The following AEBP1 variants were observed in gnomAD, a reference collection of about 807,000 sequenced individuals.
The protein encoded by AEBP1 is adipocyte enhancer-binding protein 1.
AEBP1 carries 69 observed loss-of-function variants against 116.5 expected under a neutral mutation model. The ratio of observed to expected loss-of-function variants is 0.59; its 90% CI spans 0.49 to 0.72. The LOEUF (loss-of-function observed/expected upper bound fraction) is 0.72. Among genes scored for constraint, AEBP1 ranks in the 30% least tolerant of loss-of-function variants. The probability of loss-of-function intolerance (pLI) is 0.00; values close to 1 mark genes in which losing one functional copy is unlikely to be tolerated. For synonymous variants in AEBP1, 627 were observed against 627.3 expected (o/e 1.00, Z 0.01); for missense variants, 1,444 against 1,557.5 (o/e 0.93, Z 1.23).
chr7:44,108,183 A>C lies in AEBP1; in HGVS notation c.940+99A>C. On this transcript the variant is annotated intron_variant, in intron 6 of 20. Transcript: ENST00000223357. This position sits in a 1 kb window ranked among gnomAD's most constrained non-coding sequence, Gnocchi z 5.0. Reference sequence around the variant, plus strand: ...AGCTGGGGCAACTCACCCACCTTGCAACCCCACCTGTGCCCGTGGTTACCT... The same window carrying C: ...AGCTGGGGCAACTCACCCACCTTGCCACCCCACCTGTGCCCGTGGTTACCT... 1 of 1,211,770 alleles carries C rather than the reference A, an allele frequency of 8.3e-7. No homozygotes were observed. Among genetic ancestry groups the C allele is most frequent in the Non-Finnish European group, 1.2e-6 (1 of 849,934 alleles). The allele number at this position is 1,211,770 out of a possible 1,614,324, so 75.1% of individuals were successfully genotyped here.
chr7:44,106,314 T>G, intron 1 of AEBP1: 1 of 688,890 alleles, frequency 1.5e-6, no homozygotes, highest in South Asian at 1.5e-5. Flanking sequence ...AACCCTACGC[T>G]CAGTCTTTAG....
At position 44,104,881 on chromosome 7, in the gene AEBP1, G is replaced by C. The variant is rs2096221382; in HGVS notation, c.216G>C (p.Gly72=). The C allele has an allele frequency of 2.6e-6, 4 of 1,557,362 alleles. No homozygotes were observed. Among genetic ancestry groups the C allele is most frequent in the Non-Finnish European group, 3.5e-6 (4 of 1,151,136 alleles). ...PTPRVRKAQA[G]GKPGKRPGTA... ...CGCGGGTCCGAAAAGCCCAGGCGGG[G>C]GGCAAGCCAGGGAAGCGGCCAGGGA... The change falls in exon 1 of 21, where the codon GGG becomes GGC. Residue 72 remains glycine, a synonymous_variant. Coordinates refer to ENST00000223357, the MANE Select transcript of AEBP1 (RefSeq NM_001129.5).
In AEBP1 at chr7:44,110,305, G is replaced by A. The variant is rs750217144; in HGVS notation, c.1359G>A (p.Arg453=). 8 of 1,613,704 alleles carry A rather than the reference G, an allele frequency of 5.0e-6. No individual in the cohort carries two copies. In the South Asian group the frequency reaches 8.8e-5, roughly 18 times the overall value. The change falls in exon 11 of 21, where the codon CGG becomes CGA. Residue 453 remains arginine, a synonymous_variant. Transcript: ENST00000223357. Reference sequence around the variant, plus strand: ...AGGTGGACACCAGGAGGACTACCCGGTTCACAGGCGTCATCACCCAGGGCA... The same window carrying A: ...AGGTGGACACCAGGAGGACTACCCGATTCACAGGCGTCATCACCCAGGGCA... ...WIEVDTRRTT[R]FTGVITQGRD... is the part of the protein sequence containing the mutation.
chr7:44,113,406 G>T lies in AEBP1; in HGVS notation c.2809+55G>T. On this transcript the variant is annotated intron_variant, in intron 20 of 20. Transcript: ENST00000223357. The surrounding 1 kb of genome is among the most constrained non-coding windows in gnomAD (Gnocchi z 5.3). The stretch of plus-strand genomic sequence containing the variant: ...TTTCTGAGGGAGGACCCGCCAGAGA[G>T]GGTGGGGGCTTGAGGAACTCAGCGA... The T allele has an allele frequency of 6.5e-7, 1 of 1,542,348 alleles. No individual in the cohort carries two copies. Among genetic ancestry groups the T allele is most frequent in the Non-Finnish European group, 8.8e-7 (1 of 1,134,342 alleles).
rs184659405 is a variant in AEBP1, at chr7:44,111,486, C to T, written c.1717-21C>T. On this transcript the variant is annotated intron_variant, in intron 14 of 20. Coordinates refer to ENST00000223357, the MANE Select transcript of AEBP1 (RefSeq NM_001129.5). The surrounding 1 kb of genome is among the most constrained non-coding windows in gnomAD (Gnocchi z 4.7). Reference sequence around the variant, plus strand: ...GGGACGGATTGCATGATTGATTCCACGTCCTCCCCCTCTGCCCCAGCTCAT... The same window carrying T: ...GGGACGGATTGCATGATTGATTCCATGTCCTCCCCCTCTGCCCCAGCTCAT... The T allele has an allele frequency of 3.8e-5, 60 of 1,559,968 alleles. No homozygotes were observed. The highest frequency in any genetic ancestry group is 3.1e-4 in the African/African-American group (23 of 73,262).
chr7:44,114,015 C>T lies in AEBP1; in HGVS notation c.3231C>T (p.Gly1077=), dbSNP rs61736256. ...PWGLIPPTTA[G]WEESETETYT... ...GCCTCATACCGCCAACCACCGCTGG[C>T]TGGGAGGAGTCGGAGACTGAGACCT... Residue 1077 remains glycine (G), a synonymous_variant, in exon 21 of 21, where the codon GGC becomes GGT. Transcript: ENST00000223357. 1 of 1,606,342 alleles carries T rather than the reference C, an allele frequency of 6.2e-7. No individual in the cohort carries two copies. The highest frequency in any genetic ancestry group is 8.5e-7 in the Non-Finnish European group (1 of 1,176,980).
chr7:44,112,714 G>A lies in AEBP1; in HGVS notation c.2374G>A (p.Ala792Thr). 1 of 1,613,276 alleles carries A rather than the reference G, an allele frequency of 6.2e-7. No individual in the cohort carries two copies. The highest frequency in any genetic ancestry group is 8.5e-7 in the Non-Finnish European group (1 of 1,179,986). The change falls in exon 18 of 21, where the codon GCC becomes ACC. Residue 792 changes from alanine (A) to threonine (T), a missense_variant. Coordinates refer to ENST00000223357, the MANE Select transcript of AEBP1 (RefSeq NM_001129.5). The surrounding 1 kb of genome is among the most constrained non-coding windows in gnomAD (Gnocchi z 6.6). The part of the protein sequence containing the change: ...EQLLAAAMAA[A>T]RGEDEDEVSE... The stretch of plus-strand genomic sequence containing the variant: ...GCTGCTGGCCGCAGCCATGGCAGCA[G>A]CCCGGGGGGAGGATGAGGACGAGGT...
Position 44,110,212 on chromosome 7 carries a change from T to C in AEBP1, c.1266T>C (p.Gly422=). 1.2e-6 allele frequency: 2 copies of C among 1,613,548 alleles called. No homozygotes were observed. Among genetic ancestry groups the C allele is most frequent in the Admixed American group, 1.7e-5 (1 of 60,018 alleles). ...AQRGRLNMQT[G]ATEDDYYDGA... ...CTCCCCTGCCCCCTGGACAGACCGG[T>C]GCCACTGAGGACGACTACTATGATG... Residue 422 remains glycine, a synonymous_variant, in exon 11 of 21, where the codon GGT becomes GGC. Coordinates refer to ENST00000223357, the MANE Select transcript of AEBP1 (RefSeq NM_001129.5).
Position 44,107,643 on chromosome 7 carries a change from A to G in AEBP1, c.682A>G (p.Thr228Ala). The G allele has an allele frequency of 1.2e-6, 2 of 1,613,526 alleles. No individual in the cohort carries two copies. The highest frequency in any genetic ancestry group is 1.6e-4 in the Middle Eastern group (1 of 6,062). ...REHQPEPEEE[T>A]EQPTLDYNDQ... ...TTTCCCCTCAGAGCCGGAGGAGGAG[A>G]CCGAGCAACCCACACTGGACTACAA... is the stretch of plus-strand genomic sequence containing the variant. The change falls in exon 4 of 21, where the codon ACC (threonine) becomes GCC (alanine). Residue 228 changes from threonine to alanine, a missense_variant. Transcript: ENST00000223357. This position sits in a 1 kb window ranked among gnomAD's most constrained non-coding sequence, Gnocchi z 4.3.
Position 44,107,944 on chromosome 7 carries a change from G to T in AEBP1, c.862+13G>T, listed in dbSNP as rs745656675. On this transcript the variant is annotated intron_variant, in intron 5 of 20. Transcript: ENST00000223357. This position sits in a 1 kb window ranked among gnomAD's most constrained non-coding sequence, Gnocchi z 4.3. Reference sequence around the variant, plus strand: ...GAGGAGAGGATTGGTAGGATGGGGGGCAGGAGAGGAGGTGCCATGGCCACG... The same window carrying T: ...GAGGAGAGGATTGGTAGGATGGGGGTCAGGAGAGGAGGTGCCATGGCCACG... The T allele has an allele frequency of 4.5e-6, 7 of 1,563,846 alleles. No individual in the cohort carries two copies. The highest frequency in any genetic ancestry group is 6.0e-6 in the Non-Finnish European group (7 of 1,159,958).
Position 44,114,419 on chromosome 7 carries a change from C to T in AEBP1, c.*158C>T, listed in dbSNP as rs560112377. 761 of 813,050 alleles carry T rather than the reference C, an allele frequency of 9.4e-4. 12 individuals are homozygous for T. The South Asian group carries it at 0.013, about 14-fold the overall frequency. 50.4% of individuals were successfully genotyped at this position (813,050 alleles called of 1,614,324 possible). A position where few individuals can be genotyped will look rare whatever the true frequency, so the allele number is the denominator to read the frequency against. On this transcript the variant is annotated 3_prime_UTR_variant, in exon 21 of 21. Transcript: ENST00000223357. ...TCCTGCCCCTTTGAGGGGGTGCAAA[C>T]ATGACTGGGACCTAAGAGCCAGAGG...
chr7:44,104,684 G>C lies in AEBP1; in HGVS notation c.19G>C (p.Ala7Pro), dbSNP rs754975816. The stretch of plus-strand genomic sequence containing the variant: ...CGCGGCCATGGCGGCCGTGCGCGGG[G>C]CGCCCCTGCTCAGCTGCCTCCTGGC... The part of the protein sequence containing the change: MAAVRG[A>P]PLLSCLLALL... Residue 7 changes from alanine (A) to proline (P), a missense_variant, in exon 1 of 21, where the codon GCG becomes CCG. By Grantham distance (27) the Ala-to-Pro change is conservative. Transcript: ENST00000223357. 5 of 1,551,692 alleles carry C rather than the reference G, an allele frequency of 3.2e-6. No homozygotes were observed. In the African/African-American group the frequency reaches 5.6e-5, roughly 17 times the overall value.
At position 44,114,347 on chromosome 7, in the gene AEBP1, T is replaced by G; in HGVS notation, c.*86T>G. 1 of 1,465,650 alleles carries G rather than the reference T, an allele frequency of 6.8e-7. No homozygotes were observed. The highest frequency in any genetic ancestry group is 2.3e-5 in the East Asian group (1 of 43,994). 90.8% of individuals were successfully genotyped at this position (1,465,650 alleles called of 1,614,324 possible). On this transcript the variant is annotated 3_prime_UTR_variant, in exon 21 of 21. Transcript: ENST00000223357. The stretch of plus-strand genomic sequence containing the variant: ...CTGCTGACCACAGTCACATCACCCA[T>G]CAGCACATGGAAGGCCCCTGGTATG...
At chr7:44,109,874 C>T in intron 9 of AEBP1, 141 bp from the exon 10 acceptor site, 1 of 738,864 alleles carries the variant, frequency 1.4e-6, no homozygotes. Flanking sequence ...TGCAGGGCAC[C>T]AGGGAGCCAC....
chr7:44,112,490 T>G lies in AEBP1; in HGVS notation c.2218-68T>G, dbSNP rs2096230625. The G allele has an allele frequency of 7.1e-7, 1 of 1,410,088 alleles. No individual in the cohort carries two copies. 87.3% of individuals were successfully genotyped at this position (1,410,088 alleles called of 1,614,324 possible). ...TACTGGTGTGAAGCTTCATGGAGGG[T>G]GATCGGGCTAGGTTGGGGATAGTGG... On this transcript the variant is annotated intron_variant, in intron 17 of 20. Coordinates refer to ENST00000223357, the MANE Select transcript of AEBP1 (RefSeq NM_001129.5). This position sits in a 1 kb window ranked among gnomAD's most constrained non-coding sequence, Gnocchi z 6.6.
rs1463858324 is a variant in AEBP1 at position 44,113,186 on chromosome 7, G to T, written c.2709+56G>T. Reference sequence around the variant, plus strand: ...GGAGGCTGCACAGGCTCCTGGATGGGCGGGAGGGAGCAGCGGACCACATTG... The same window carrying T: ...GGAGGCTGCACAGGCTCCTGGATGGTCGGGAGGGAGCAGCGGACCACATTG... On this transcript the variant is annotated intron_variant, in intron 19 of 20. Coordinates refer to ENST00000223357, the MANE Select transcript of AEBP1 (RefSeq NM_001129.5). This position sits in a 1 kb window ranked among gnomAD's most constrained non-coding sequence, Gnocchi z 5.3. The T allele has an allele frequency of 6.2e-7, 1 of 1,613,240 alleles. No individual in the cohort carries two copies. Among genetic ancestry groups the T allele is most frequent in the African/African-American group, 1.3e-5 (1 of 74,988 alleles).
In AEBP1 at chr7:44,110,104, C is replaced by T. The variant is rs137891711; in HGVS notation, c.1240C>T (p.Arg414Cys). The T allele has an allele frequency of 2.2e-5, 36 of 1,612,998 alleles. No homozygotes were observed. The highest frequency in any genetic ancestry group is 5.3e-5 in the African/African-American group (4 of 74,924). ...GCTGCGCCACGGCCTGGGGGCACAGCGCGGCCGGCTCAACATGCAGGTGGG... is the reference window on the plus strand; with the variant it reads ...GCTGCGCCACGGCCTGGGGGCACAGTGCGGCCGGCTCAACATGCAGGTGGG... ...SMLRHGLGAQ[R>C]GRLNMQTGAT... Residue 414 changes from arginine (R) to cysteine (C), a missense_variant, in exon 10 of 21, where the codon CGC (arginine) becomes TGC (cysteine). Transcript: ENST00000223357.
chr7:44,109,770 C>G (rs1174396638), intron 9 of AEBP1: 3 of 584,538 alleles, frequency 5.1e-6, no homozygotes, highest in Non-Finnish European at 9.2e-6. Context: ...AGCCCGTTCT[C>G]CAGATGGGGC....
Position 44,107,327 on chromosome 7 carries a change from G to T in AEBP1, c.596-112G>T. On this transcript the variant is annotated intron_variant, in intron 2 of 20. Transcript: ENST00000223357. The surrounding 1 kb of genome is among the most constrained non-coding windows in gnomAD (Gnocchi z 4.3). ...CTCCTTGGAGTGAGCTCGGCCTCAG[G>T]AGGGTGTCCACAGGCTCTGTGTGGG... The T allele has an allele frequency of 9.4e-7, 1 of 1,066,252 alleles. No homozygotes were observed. 66.0% of individuals were successfully genotyped at this position (1,066,252 alleles called of 1,614,324 possible).
Sources: allele counts gnomAD v4.1 joint callset, GRCh38; gene constraint gnomAD v4.1.1; non-coding constraint Gnocchi (gnomAD v3.1); transcripts MANE v1.5; gene names NCBI Gene and HGNC (gene_info 2026-07-23, HGNC 2026-07-21).